The following CCNC variants were observed in gnomAD, a reference collection of about 807,000 sequenced individuals.
CCNC encodes cyclin-C.
In CCNC, 19 loss-of-function variants were observed where a neutral mutation model predicts 50.0. The observed-to-expected ratio is 0.38, with a 90% confidence interval of 0.27 to 0.56. The LOEUF is 0.56. Among genes scored for constraint, CCNC ranks in the 20% least tolerant of loss-of-function variants. The pLI is 0.72. For synonymous variants in CCNC, 93 were observed against 103.7 expected (o/e 0.90, Z 0.63); for missense variants, 200 against 327.1 (o/e 0.61, Z 3.00).
chr6:99,545,624 C>CA (rs1282131061), intron 10 of CCNC, among the ~76,000 whole-genome samples: 1 of 152,206 alleles, frequency 6.6e-6, no homozygotes, highest in Non-Finnish European at 1.5e-5. Context: ...TCTGTTACTA[C>CA]ACATACATTA....
intron 1 of CCNC, among the ~76,000 whole-genome samples, chr6:99,567,430 C>T (rs1769183272): frequency 6.6e-6 from 1 of 151,320 alleles, no homozygotes; most frequent in African/African-American, 2.4e-5. Context: ...CATATATATA[C>T]ACACACACAC....
chr6:99,568,759 T>C (rs1207474446), upstream of CCNC: 2 of 1,361,556 alleles, frequency 1.5e-6, no homozygotes, highest in African/African-American at 1.5e-5. Context: ...CGGCCCGCGG[T>C]AGCGGAGGGA....
Position 99,550,935 on chromosome 6 carries a change from T to G in CCNC, c.438+58A>C, listed in dbSNP as rs1413117134. 3 of 874,140 alleles carry G rather than the reference T, an allele frequency of 3.4e-6. No homozygotes were observed. The African/African-American group carries it at 5.1e-5, about 15-fold the overall frequency. 54.1% of individuals were successfully genotyped at this position (874,140 alleles called of 1,614,324 possible). A position where few individuals can be genotyped will look rare whatever the true frequency, so the allele number is the denominator to read the frequency against. The stretch of plus-strand genomic sequence containing the variant: ...TCTAAAATCATTTCTTTAAATAATT[T>G]CCAACTTCATTTAATTTAAAAATGT... On this transcript the variant is annotated intron_variant, in intron 7 of 11. Coordinates refer to ENST00000520429, the MANE Select transcript of CCNC (RefSeq NM_005190.4).
chr6:99,544,185 C>T (rs762253330), intron 11 of CCNC: 13 of 1,521,456 alleles, frequency 8.5e-6, no homozygotes, highest in South Asian at 1.2e-5. Context: ...ATACCAGTAA[C>T]TTTGGCAATA....
rs187227701 is a variant in CCNC, at chr6:99,542,975, T to G, written c.*580A>C. 197 of 152,726 alleles carry G rather than the reference T, an allele frequency of 1.3e-3. 1 individual carries two copies. The highest frequency in any genetic ancestry group is 1.1e-3 in the Non-Finnish European group (74 of 68,018). 9.5% of individuals were successfully genotyped at this position (152,726 alleles called of 1,614,324 possible). On this transcript the variant is annotated 3_prime_UTR_variant, in exon 12 of 12. Transcript: ENST00000520429. ...TTTTCTGCTAGGCTGGGCTAGTATCTTCCATGGCAAGATCCTCAAACTACT... is the reference window on the plus strand; with the variant it reads ...TTTTCTGCTAGGCTGGGCTAGTATCGTCCATGGCAAGATCCTCAAACTACT...
chr6:99,562,723 A>T, intron 2 of CCNC, 119 bp downstream of exon 2: 1 of 592,164 alleles, frequency 1.7e-6, no homozygotes, highest in Non-Finnish European at 2.9e-6. Flanking sequence ...TAAAAAGAAT[A>T]CCTGTATAAG....
intron 11 of CCNC, chr6:99,544,110 T>A (rs1801980069): frequency 1.4e-6 from 2 of 1,425,562 alleles, no homozygotes; most frequent in Admixed American, 2.6e-5. Context: ...ATATGGTAAT[T>A]TCCTGGAAAA....
At chr6:99,549,647 G>C (rs1802212557) in intron 8 of CCNC, 72 bp from the exon 9 acceptor site, 1 of 955,464 alleles carries the variant, frequency 1.0e-6, no homozygotes, top group South Asian at 1.4e-5. Context: ...CCTCCAGAGA[G>C]GGCCAGATTT....
chr6:99,564,923 T>A (rs971741434), intron 1 of CCNC, among the ~76,000 whole-genome samples: 3 of 152,138 alleles, frequency 2.0e-5, no homozygotes, highest in African/African-American at 7.2e-5. Flanking sequence ...TTTATTTTGG[T>A]ACAGAGTATA....
intron 5 of CCNC, among the ~76,000 whole-genome samples, chr6:99,556,754 C>A (rs1345031801): frequency 1.3e-5 from 2 of 152,190 alleles, no homozygotes; most frequent in Non-Finnish European, 2.9e-5. Context: ...AACCCCATCT[C>A]TACTAAAAAT....
chr6:99,568,791 CT>C (rs1263292430), upstream of CCNC: 14 of 1,095,056 alleles, frequency 1.3e-5, no homozygotes, highest in Non-Finnish European at 1.7e-5. Flanking sequence ...GGTGCTGACC[CT>C]TGGAGGTGCT....
At chr6:99,545,061 T>TA in intron 11 of CCNC, 51 bp downstream of exon 11, 1 of 826,342 alleles carries the variant, frequency 1.2e-6, no homozygotes, top group Non-Finnish European at 2.0e-6. Context: ...AAAAATATAG[T>TA]AAGTATGATA....
At chr6:99,550,830 A>G (rs1802263017) in intron 7 of CCNC, 163 bp downstream of exon 7, 1 of 335,346 alleles carries the variant, frequency 3.0e-6, no homozygotes, top group Non-Finnish European at 5.5e-6. Context: ...CAGGCTTCAG[A>G]GAGACTCTAG....
intron 5 of CCNC, among the ~76,000 whole-genome samples, chr6:99,555,431 G>C (rs519721): frequency 0.86 from 129,723 of 151,650 alleles, 56,192 homozygotes; most frequent in East Asian, 0.99. Context: ...AGACATTGTG[G>C]AACTCTTTTT....
chr6:99,552,016 C>A, intron 5 of CCNC, 121 bp from the exon 6 acceptor site: 1 of 574,570 alleles, frequency 1.7e-6, no homozygotes, highest in Non-Finnish European at 2.7e-6. Flanking sequence ...GAATTCTTGG[C>A]AACACTTACG....
chr6:99,548,488 G>C (rs1271835597), intron 9 of CCNC, among the ~76,000 whole-genome samples: 1 of 133,932 alleles, frequency 7.5e-6, no homozygotes, highest in Non-Finnish European at 1.7e-5. Flanking sequence ...TGGAAAATAA[G>C]AGGGGAAAAT....
chr6:99,568,414 C>A (rs1385777322), intron 1 of CCNC, 82 bp downstream of exon 1: 4 of 1,360,238 alleles, frequency 2.9e-6, no homozygotes, highest in Non-Finnish European at 4.1e-6. Flanking sequence ...GAGCTGGGAT[C>A]CAGGCCCAGG....
At chr6:99,544,008 G>C in intron 11 of CCNC, 1 of 1,054,566 alleles carries the variant, frequency 9.5e-7, no homozygotes, top group Non-Finnish European at 1.2e-6. Context: ...AACAAGAAGT[G>C]TTCTTCAAAA....
chr6:99,544,185 CTTT>C, intron 11 of CCNC: 2 of 1,521,574 alleles, frequency 1.3e-6, no homozygotes. Flanking sequence ...ATACCAGTAA[CTTT>C]GGCAATAGGA....
Sources: gnomAD v4.1 joint callset for allele counts (sites outside exome capture counted in the v4.1 genomes callset) on GRCh38, gnomAD v4.1.1 for gene constraint, MANE v1.5 for transcripts, NCBI Gene and HGNC (gene_info 2026-07-23, HGNC 2026-07-21) for gene names.